GPR174: variants seen among roughly 807,000 people sequenced by gnomAD.
GPR174 encodes G protein-coupled receptor 174.
GPR174 carries 8 observed loss-of-function variants against 16.5 expected under a neutral mutation model. The ratio of observed to expected loss-of-function variants is 0.48; its 90% CI spans 0.28 to 0.87. The LOEUF is 0.87. Ranked by LOEUF, GPR174 falls within the 40% of genes least tolerant of loss-of-function variation. The probability of loss-of-function intolerance (pLI) is 0.09; values close to 1 mark genes in which losing one functional copy is unlikely to be tolerated. For synonymous variants in GPR174, 111 were observed against 94.8 expected, an observed-to-expected ratio of 1.17 and a Z score of -0.99; for missense variants, 214 against 247.5, an observed-to-expected ratio of 0.86 and a Z score of 0.91.
At position 79,172,864 on chromosome X, in the gene GPR174, G is replaced by C. The variant is rs1921552854; in HGVS notation, c.*855G>C. The C allele has an allele frequency of 9.0e-6, 1 of 111,292 alleles. No homozygotes were observed. The highest frequency in any genetic ancestry group is 9.6e-5 in the Admixed American group (1 of 10,467). The allele number at this position is 111,292 out of a possible 1,213,427, so 9.2% of individuals were successfully genotyped here. On this transcript the variant is annotated 3_prime_UTR_variant, in exon 3 of 3. Transcript: ENST00000645147. Reference sequence around the variant, plus strand: ...TAAAGAACACTTCTGGAGATGTATGGACCCGCCTAGTAGAGGAAGTTTTTA... The same window carrying C: ...TAAAGAACACTTCTGGAGATGTATGCACCCGCCTAGTAGAGGAAGTTTTTA...
intron 2 of GPR174, among the ~76,000 whole-genome samples, chrX:79,165,701 C>G (rs1297625633): frequency 9.0e-6 from 1 of 111,184 alleles, no homozygotes; most frequent in African/African-American, 3.3e-5. Flanking sequence ...GTTTTATTTT[C>G]CATTCCATGC....
intron 2 of GPR174, among the ~76,000 whole-genome samples, 171 bp downstream of exon 2, chrX:79,157,089 T>C (rs1478053987): frequency 1.8e-5 from 2 of 112,014 alleles, no homozygotes; most frequent in South Asian, 3.7e-4. Flanking sequence ...AATCAAGATA[T>C]ACAATCTTAC....
rs753195995 is a variant in GPR174 at position 79,171,350 on chromosome X, C to A, written c.343C>A (p.Arg115=). The change falls in exon 3 of 3, where the codon CGA becomes AGA. Residue 115 remains arginine, a synonymous_variant. Transcript: ENST00000645147. ...SIYFLVCISV[R]RFWFLMYPFR... ...CTACTTCTTGGTCTGCATCAGTGTG[C>A]GACGATTTTGGTTTCTCATGTACCC... The A allele has an allele frequency of 8.3e-7, 1 of 1,211,308 alleles. No individual in the cohort carries two copies. The highest frequency in any genetic ancestry group is 1.8e-5 in the South Asian group (1 of 56,960).
chrX:79,157,822 A>G (rs1025375715), intron 2 of GPR174, among the ~76,000 whole-genome samples: 1 of 110,188 alleles, frequency 9.1e-6, no homozygotes, highest in Non-Finnish European at 1.9e-5. Flanking sequence ...CTTGATATCT[A>G]CTCATTGTAA....
chrX:79,157,912 A>G (rs1296357271), intron 2 of GPR174, among the ~76,000 whole-genome samples: 1 of 109,515 alleles, frequency 9.1e-6, no homozygotes, highest in African/African-American at 3.3e-5. Context: ...CATGGGGGAA[A>G]AAAACACCTC....
intron 1 of GPR174, among the ~76,000 whole-genome samples, chrX:79,146,597 A>C (rs1014993675): frequency 8.9e-6 from 1 of 112,558 alleles, no homozygotes; most frequent in African/African-American, 3.2e-5. Flanking sequence ...TTGTGAACAC[A>C]TGTACTGCTT....
intron 2 of GPR174, among the ~76,000 whole-genome samples, chrX:79,159,670 T>G (rs1024946120): frequency 1.8e-5 from 2 of 111,507 alleles, no homozygotes; most frequent in Non-Finnish European, 3.8e-5. Context: ...GGCTCTAGAG[T>G]CCATGTTCTT....
intron 1 of GPR174, among the ~76,000 whole-genome samples, chrX:79,148,860 T>A (rs994230775): frequency 1.8e-5 from 2 of 111,739 alleles, no homozygotes; most frequent in Admixed American, 1.9e-4. Flanking sequence ...AAGTATAGGA[T>A]GACAGTGATG....
At chrX:79,169,317 T>C (rs780994599) in intron 2 of GPR174, among the ~76,000 whole-genome samples, 4 of 111,870 alleles carry the variant, frequency 3.6e-5, no homozygotes, top group Non-Finnish European at 5.6e-5. Context: ...GAAAGGACAA[T>C]CTCAAAGAAA....
chrX:79,154,327 G>A (rs565739969), intron 1 of GPR174, among the ~76,000 whole-genome samples: 3 of 111,934 alleles, frequency 2.7e-5, no homozygotes, highest in African/African-American at 9.7e-5. Flanking sequence ...GAATGTCCTG[G>A]ATACTATCTT....
At chrX:79,157,315 T>G (rs1013384522) in intron 2 of GPR174, among the ~76,000 whole-genome samples, 5 of 111,889 alleles carry the variant, frequency 4.5e-5, no homozygotes, top group Non-Finnish European at 7.5e-5. Flanking sequence ...TCTTCATTAC[T>G]GAGTTGTTTT....
At chrX:79,160,054 T>A (rs1921197869) in intron 2 of GPR174, among the ~76,000 whole-genome samples, 1 of 112,200 alleles carries the variant, frequency 8.9e-6, no homozygotes, top group Non-Finnish European at 1.9e-5. Context: ...CAAGGCTGTA[T>A]GCTTATCTTA....
chrX:79,172,029 T>C lies in GPR174; in HGVS notation c.*20T>C. The stretch of plus-strand genomic sequence containing the variant: ...TGCTAAAACAAAAAACCAAACTGAA[T>C]GTGACCTGAAATGCAAGTACATCAG... On this transcript the variant is annotated 3_prime_UTR_variant, in exon 3 of 3. Transcript: ENST00000645147. The C allele has an allele frequency of 8.6e-7, 1 of 1,166,400 alleles. No homozygotes were observed. Among genetic ancestry groups the C allele is most frequent in the Non-Finnish European group, 1.1e-6 (1 of 872,761 alleles).
intron 1 of GPR174, among the ~76,000 whole-genome samples, chrX:79,146,781 T>C (rs1926507401): frequency 8.9e-6 from 1 of 111,887 alleles, no homozygotes; most frequent in African/African-American, 3.2e-5. Flanking sequence ...CCCCTAGGAA[T>C]GAATGCACTT....
chrX:79,172,087 A>G lies in GPR174; in HGVS notation c.*78A>G. On this transcript the variant is annotated 3_prime_UTR_variant, in exon 3 of 3. Coordinates refer to ENST00000645147, the MANE Select transcript of GPR174 (RefSeq NM_032553.3). Reference sequence around the variant, plus strand: ...CTGCAATACCCAAGCCACAGGGAAGAACTTGCAAAACAACACAGCTTTTCA... The same window carrying G: ...CTGCAATACCCAAGCCACAGGGAAGGACTTGCAAAACAACACAGCTTTTCA... 1 of 1,001,329 alleles carries G rather than the reference A, an allele frequency of 1.0e-6. No individual in the cohort carries two copies. The highest frequency in any genetic ancestry group is 3.1e-5 in the East Asian group (1 of 32,245). The allele number at this position is 1,001,329 out of a possible 1,213,427, so 82.5% of individuals were successfully genotyped here. A position where few individuals can be genotyped will look rare whatever the true frequency, so the allele number is the denominator to read the frequency against.
rs1404901052 is a variant in GPR174 at position 79,174,368 on chromosome X, A to G, written c.*2359A>G. 2 of 106,043 alleles carry G rather than the reference A, an allele frequency of 1.9e-5. No homozygotes were observed. The highest frequency in any genetic ancestry group is 6.9e-5 in the African/African-American group (2 of 28,992). 8.7% of individuals were successfully genotyped at this position (106,043 alleles called of 1,213,427 possible). On this transcript the variant is annotated 3_prime_UTR_variant, in exon 3 of 3. Transcript: ENST00000645147. ...GCTCTCCCAGGCAGCAACCTGATCA[A>G]TTCATTCACACCATGGTGCTAATAG...
Position 79,147,162 on chromosome X carries a change from T to C in GPR174, c.-654+1945T>C, listed in dbSNP as rs1360820036. ...AAGTAAAGTAGGTTCATAGTGCACA[T>C]TGTGCAGTTGGAAAAAATGAGACTC... On this transcript the variant is annotated intron_variant, in intron 1 of 2. Coordinates refer to ENST00000645147, the MANE Select transcript of GPR174 (RefSeq NM_032553.3). Among the ~76,000 whole-genome samples, 3 of 111,276 alleles carry C rather than the reference T, an allele frequency of 2.7e-5. No homozygotes were observed. In the East Asian group the frequency reaches 8.6e-4, roughly 32 times the overall value.
chrX:79,172,202 A>G lies in GPR174; in HGVS notation c.*193A>G, dbSNP rs1034107302. ...ACGATCCACGATTATTGATGTTGAC[A>G]TGTCCATGTAGTAATTTTTCTTCAA... On this transcript the variant is annotated 3_prime_UTR_variant, in exon 3 of 3. Transcript: ENST00000645147. 4.8e-6 allele frequency: 2 copies of G among 413,525 alleles called. No individual in the cohort carries two copies. Among genetic ancestry groups the G allele is most frequent in the Non-Finnish European group, 4.1e-6 (1 of 241,735 alleles). The allele number at this position is 413,525 out of a possible 1,213,427, so 34.1% of individuals were successfully genotyped here.
intron 1 of GPR174, among the ~76,000 whole-genome samples, chrX:79,146,457 T>C (rs1019331277): frequency 8.9e-6 from 1 of 112,147 alleles, no homozygotes; most frequent in African/African-American, 3.2e-5. Flanking sequence ...AACATTAAAC[T>C]TATAGAGAGG....
Sources: allele counts gnomAD v4.1 joint callset (sites outside exome capture counted in the v4.1 genomes callset), GRCh38; gene constraint gnomAD v4.1.1; transcripts MANE v1.5; gene names NCBI Gene and HGNC (gene_info 2026-07-23, HGNC 2026-07-21).